FAT4: variants seen among roughly 807,000 people sequenced by gnomAD.
FAT4 encodes the protein FAT atypical cadherin 4, also known as protocadherin Fat 4.
A neutral mutation model predicts 303.9 loss-of-function variants in FAT4; 84 were observed. The ratio of observed to expected loss-of-function variants is 0.28; its 90% CI spans 0.23 to 0.33. The LOEUF (loss-of-function observed/expected upper bound fraction) is 0.33. Ranked by LOEUF, FAT4 falls within the 10% of genes least tolerant of loss-of-function variation. The pLI is 1.00. For synonymous variants in FAT4, 2,307 were observed against 2,298.8 expected, an observed-to-expected ratio of 1.00 and a Z score of -0.10; for missense variants, 6,005 against 6,146.8, an observed-to-expected ratio of 0.98 and a Z score of 0.77.
At position 125,451,727 on chromosome 4, in the gene FAT4, G is replaced by C. The variant is rs1391199691; in HGVS notation, c.10717G>C (p.Glu3573Gln). 6.2e-7 allele frequency: 1 copy of C among 1,614,202 alleles called. No homozygotes were observed. ...TGCTGGAGTTCTGAGCACAACCAGAGAGATTGACAGAGAGCAGATTGCAGA... is the reference window on the plus strand; with the variant it reads ...TGCTGGAGTTCTGAGCACAACCAGACAGATTGACAGAGAGCAGATTGCAGA... ...STAGVLSTTR[E>Q]IDREQIADFY... Residue 3573 changes from glutamate to glutamine, a missense_variant, in exon 10 of 18, where the codon GAG becomes CAG. By Grantham distance (29) the Glu-to-Gln change is conservative. Transcript: ENST00000394329.
In FAT4 at chr4:125,490,050, T is replaced by C; in HGVS notation, c.13234T>C (p.Trp4412Arg). 1 of 1,614,020 alleles carries C rather than the reference T, an allele frequency of 6.2e-7. No individual in the cohort carries two copies. The change falls in exon 18 of 18, where the codon TGG becomes CGG. Residue 4412 changes from tryptophan to arginine, a missense_variant. Trp to Arg is a moderately radical substitution (Grantham distance 101). Coordinates refer to ENST00000394329, the MANE Select transcript of FAT4 (RefSeq NM_001291303.3). The stretch of plus-strand genomic sequence containing the variant: ...GAACATTTGTGCCAGCAACCCCTGC[T>C]GGGGTGATTTGCTGTGCATTAATCA... ...GPNICASNPC[W>R]GDLLCINQWY...
chr4:125,416,414 T>A lies in FAT4; in HGVS notation c.6844-34T>A, dbSNP rs756622168. On this transcript the variant is annotated intron_variant, in intron 6 of 17. Coordinates refer to ENST00000394329, the MANE Select transcript of FAT4 (RefSeq NM_001291303.3). Reference sequence around the variant, plus strand: ...TTTATTTCATGAGATGCATTGTTTGTTTTACTCACATCTTGGTATGTACTG... The same window carrying A: ...TTTATTTCATGAGATGCATTGTTTGATTTACTCACATCTTGGTATGTACTG... 2.6e-6 allele frequency: 4 copies of A among 1,552,602 alleles called. No homozygotes were observed. In the South Asian group the frequency reaches 4.9e-5, roughly 19 times the overall value.
rs1006838105 is a variant in FAT4 at position 125,408,674 on chromosome 4, A to G, written c.5800A>G (p.Ile1934Val). Residue 1934 changes from isoleucine (I) to valine (V), a missense_variant, in exon 5 of 18, where the codon ATT (isoleucine) becomes GTT (valine). By Grantham distance (29) the Ile-to-Val change is conservative. Transcript: ENST00000394329. ...QFTTIRVYFNILDVNDNPPIF... is the reference protein window; with the variant it reads ...QFTTIRVYFNVLDVNDNPPIF... ...TACTACCATCAGAGTTTATTTCAAT[A>G]TTCTAGATGTAAATGATAATCCACC... The G allele has an allele frequency of 7.5e-6, 12 of 1,609,710 alleles. No individual in the cohort carries two copies. The highest frequency in any genetic ancestry group is 1.0e-5 in the Non-Finnish European group (12 of 1,176,386).
chr4:125,413,361 C>T (rs192333609), intron 5 of FAT4, among the ~76,000 whole-genome samples: 261 of 151,868 alleles, frequency 1.7e-3, no homozygotes, highest in Middle Eastern at 3.4e-3. Flanking sequence ...CCTAAGTATT[C>T]TGAACTTTGT....
intron 2 of FAT4, among the ~76,000 whole-genome samples, chr4:125,378,168 A>G (rs1733406187): frequency 6.6e-6 from 1 of 152,106 alleles, no homozygotes; most frequent in Non-Finnish European, 1.5e-5. Context: ...CATATAAACC[A>G]ATGGGTTTAG....
chr4:125,475,117 A>T (rs1726983726), intron 12 of FAT4, among the ~76,000 whole-genome samples: 1 of 152,100 alleles, frequency 6.6e-6, no homozygotes. Context: ...GTCCATTTGG[A>T]TAATGAATTA....
intron 16 of FAT4, among the ~76,000 whole-genome samples, chr4:125,485,518 C>T (rs1452838344): frequency 2.6e-5 from 4 of 152,150 alleles, no homozygotes; most frequent in Non-Finnish European, 5.9e-5. Flanking sequence ...TCCCTGTCTT[C>T]CACCTCCACA....
At chr4:125,324,317 C>G (rs890890011) in intron 2 of FAT4, among the ~76,000 whole-genome samples, 6 of 145,334 alleles carry the variant, frequency 4.1e-5, no homozygotes, top group African/African-American at 1.6e-4. Flanking sequence ...AACTTAGGAA[C>G]GTGGTTAGAC....
intron 14 of FAT4, among the ~76,000 whole-genome samples, chr4:125,479,431 T>C (rs959222355): frequency 1.3e-5 from 2 of 152,192 alleles, no homozygotes; most frequent in South Asian, 2.1e-4. Context: ...CTGGATCATA[T>C]GTATTAACCA....
chr4:125,405,109 T>C (rs993058700), intron 3 of FAT4, among the ~76,000 whole-genome samples: 4 of 152,130 alleles, frequency 2.6e-5, no homozygotes, highest in African/African-American at 9.7e-5. Flanking sequence ...GAACATCATA[T>C]TGGCACTTGG....
intron 2 of FAT4, among the ~76,000 whole-genome samples, chr4:125,389,400 A>C (rs998062168): frequency 6.6e-6 from 1 of 152,106 alleles, no homozygotes; most frequent in African/African-American, 2.4e-5. Flanking sequence ...TTTAGTATGC[A>C]TGATAATATT....
In FAT4 at chr4:125,450,651, C is replaced by T. The variant is rs1726025908; in HGVS notation, c.9641C>T (p.Thr3214Ile). 6 of 1,613,966 alleles carry T rather than the reference C, an allele frequency of 3.7e-6. No homozygotes were observed. Among genetic ancestry groups the T allele is most frequent in the South Asian group, 3.3e-5 (3 of 91,082 alleles). Residue 3214 changes from threonine (T) to isoleucine (I), a missense_variant, in exon 10 of 18, where the codon ACA becomes ATA. Thr to Ile is a moderately conservative substitution (Grantham distance 89, BLOSUM62 -1). Coordinates refer to ENST00000394329, the MANE Select transcript of FAT4 (RefSeq NM_001291303.3). Reference sequence around the variant, plus strand: ...TTGGAAAATGCCCCAAGTGGAACAACAGTTATCCACCTAAATGCAACAGAT... The same window carrying T: ...TTGGAAAATGCCCCAAGTGGAACAATAGTTATCCACCTAAATGCAACAGAT... ...TVLENAPSGT[T>I]VIHLNATDAD... is the part of the protein sequence containing the mutation.
chr4:125,393,707 C>T (rs1734059199), intron 2 of FAT4, among the ~76,000 whole-genome samples: 1 of 152,102 alleles, frequency 6.6e-6, no homozygotes, highest in African/African-American at 2.4e-5. Context: ...GGATTTTATT[C>T]CTTCAGCATA....
At chr4:125,373,720 C>T (rs991564916) in intron 2 of FAT4, among the ~76,000 whole-genome samples, 1 of 152,040 alleles carries the variant, frequency 6.6e-6, no homozygotes, top group Admixed American at 6.6e-5. Context: ...CTAGAGATTA[C>T]TTGATTGAAG....
At chr4:125,349,650 A>G (rs189912960) in intron 2 of FAT4, among the ~76,000 whole-genome samples, 108 of 151,896 alleles carry the variant, frequency 7.1e-4, no homozygotes, top group Non-Finnish European at 1.3e-3. Flanking sequence ...ATGATTCAAT[A>G]TATATGCCCA....
At chr4:125,323,960 C>T (rs1407205721) in intron 2 of FAT4, among the ~76,000 whole-genome samples, 1 of 152,150 alleles carries the variant, frequency 6.6e-6, no homozygotes, top group Non-Finnish European at 1.5e-5. Flanking sequence ...ATTTCATCTG[C>T]ATTCTTTTCC....
intron 2 of FAT4, among the ~76,000 whole-genome samples, chr4:125,384,003 C>T (rs1733639413): frequency 6.6e-6 from 1 of 152,108 alleles, no homozygotes; most frequent in African/African-American, 2.4e-5. Context: ...ACTAATATGA[C>T]TTTATTTCTT....
rs2126071619 is a variant in FAT4 at position 125,463,664 on chromosome 4, T to G, written c.11902T>G (p.Phe3968Val). Reference protein sequence around the residue: ...GVDSYYCHCPFGVFGKHCELN... With the variant: ...GVDSYYCHCPVGVFGKHCELN... ...GGATTCTTATTATTGTCATTGTCCATTTGGTGAGTAAAACTTATTTGTTGA... is the reference window on the plus strand; with the variant it reads ...GGATTCTTATTATTGTCATTGTCCAGTTGGTGAGTAAAACTTATTTGTTGA... The change falls in exon 11 of 18, where the codon TTT becomes GTT. Residue 3968 changes from phenylalanine to valine, a missense_variant. Coordinates refer to ENST00000394329, the MANE Select transcript of FAT4 (RefSeq NM_001291303.3). 6.5e-7 allele frequency: 1 copy of G among 1,547,810 alleles called. No homozygotes were observed. Among genetic ancestry groups the G allele is most frequent in the Non-Finnish European group, 8.8e-7 (1 of 1,137,440 alleles).
At chr4:125,440,606 TGTGTGAGA>T (rs1323307651) in intron 8 of FAT4, among the ~76,000 whole-genome samples, 3 of 29,756 alleles carry the variant, frequency 1.0e-4, no homozygotes, top group South Asian at 2.0e-3. Context: ...TGTGTGTGTG[TGTGTGAGA>T]GAGAGAGAGA....
Sources: gnomAD v4.1 joint callset for allele counts (sites outside exome capture counted in the v4.1 genomes callset) on GRCh38, gnomAD v4.1.1 for gene constraint, MANE v1.5 for transcripts, NCBI Gene and HGNC (gene_info 2026-07-23, HGNC 2026-07-21) for gene names.